The following LUZP2 variants were observed in gnomAD, a reference collection of about 807,000 sequenced individuals.
The protein encoded by LUZP2 is leucine zipper protein 2.
A neutral mutation model predicts 51.6 loss-of-function variants in LUZP2; 52 were observed. That is an observed-to-expected ratio of 1.01 (90% CI 0.81 to 1.27). The LOEUF (loss-of-function observed/expected upper bound fraction) is 1.27, where lower values mean the gene tolerates loss of function less well. LUZP2 is among the 50% of genes most tolerant of loss of function. The pLI is 0.00. For synonymous variants in LUZP2, 154 were observed against 137.3 expected, an observed-to-expected ratio of 1.12 and a Z score of -0.85; for missense variants, 436 against 395.4, an observed-to-expected ratio of 1.10 and a Z score of -0.87.
intron 7 of LUZP2, among the ~76,000 whole-genome samples, chr11:24,915,837 A>G (rs1057094937): frequency 6.6e-6 from 1 of 152,112 alleles, no homozygotes; most frequent in African/African-American, 2.4e-5. Context: ...GCACCAACCT[A>G]ATAGCACAAA....
At chr11:24,939,489 G>GT (rs753553493) in intron 7 of LUZP2, among the ~76,000 whole-genome samples, 8 of 151,730 alleles carry the variant, frequency 5.3e-5, no homozygotes, top group Non-Finnish European at 1.2e-4. Flanking sequence ...AGACTGACTT[G>GT]TATTAGACCT....
intron 1 of LUZP2, among the ~76,000 whole-genome samples, chr11:24,632,535 C>A (rs556774710): frequency 2.0e-5 from 3 of 152,022 alleles, no homozygotes; most frequent in African/African-American, 7.2e-5. Flanking sequence ...TAATGTATGG[C>A]CTTAGGAATC....
chr11:24,590,849 G>C (rs1386238069), intron 1 of LUZP2, among the ~76,000 whole-genome samples: 2 of 151,966 alleles, frequency 1.3e-5, no homozygotes, highest in Non-Finnish European at 2.9e-5. Flanking sequence ...GTGGAGTTTT[G>C]TAGTAACATC....
At chr11:24,850,992 T>C (rs1851377790) in intron 5 of LUZP2, among the ~76,000 whole-genome samples, 1 of 152,234 alleles carries the variant, frequency 6.6e-6, no homozygotes, top group African/African-American at 2.4e-5. Context: ...AAGTTGCTTA[T>C]CAACTTAAGG....
At chr11:25,023,005 G>A (rs930161693) in intron 9 of LUZP2, among the ~76,000 whole-genome samples, 1 of 152,108 alleles carries the variant, frequency 6.6e-6, no homozygotes, top group Non-Finnish European at 1.5e-5. Flanking sequence ...AAGCCCACTT[G>A]ATTATGGTGG....
chr11:24,866,470 G>A (rs991406695), intron 5 of LUZP2, among the ~76,000 whole-genome samples: 1 of 151,822 alleles, frequency 6.6e-6, no homozygotes, highest in African/African-American at 2.4e-5. Flanking sequence ...GTTTCTTTCA[G>A]AAACAAAATG....
intron 10 of LUZP2, among the ~76,000 whole-genome samples, chr11:25,072,097 T>A (rs373716135): frequency 2.0e-5 from 3 of 152,056 alleles, no homozygotes; most frequent in East Asian, 1.9e-4. Flanking sequence ...ATTGCAGAAC[T>A]TCCCCTGATA....
In LUZP2 at chr11:24,877,650, T is replaced by G. The variant is rs556743820; in HGVS notation, c.397-28341T>G. ...GTACAATTAATTTATTATTGATTAT[T>G]GTCACCCTGTTGTGCTATCAAATAC... On this transcript the variant is annotated intron_variant, in intron 5 of 11. Coordinates refer to ENST00000336930, the MANE Select transcript of LUZP2 (RefSeq NM_001009909.4). 2.0e-5 allele frequency among the ~76,000 whole-genome samples: 3 copies of G among 152,220 alleles called. No homozygotes were observed. In the South Asian group the frequency reaches 6.2e-4, roughly 32 times the overall value.
At chr11:24,972,751 C>T (rs1855777296) in intron 7 of LUZP2, among the ~76,000 whole-genome samples, 1 of 152,008 alleles carries the variant, frequency 6.6e-6, no homozygotes, top group Non-Finnish European at 1.5e-5. Context: ...TATGTTGAAC[C>T]AGCCTTGGAT....
intron 5 of LUZP2, among the ~76,000 whole-genome samples, chr11:24,834,988 A>C (rs1850817939): frequency 1.3e-5 from 2 of 151,930 alleles, no homozygotes; most frequent in Non-Finnish European, 2.9e-5. Flanking sequence ...TAGATTCTGG[A>C]TATTAGACCC....
intron 7 of LUZP2, among the ~76,000 whole-genome samples, chr11:24,949,931 T>C (rs2133861813): frequency 6.6e-6 from 1 of 150,794 alleles, no homozygotes; most frequent in East Asian, 2.0e-4. Flanking sequence ...TCTTTGTAAC[T>C]CAAATGCTCC....
intron 9 of LUZP2, among the ~76,000 whole-genome samples, chr11:25,006,099 C>T (rs1856828413): frequency 8.7e-6 from 1 of 114,774 alleles, no homozygotes; most frequent in Non-Finnish European, 2.0e-5. Flanking sequence ...TCCAGATAGT[C>T]CCCCCTATGA....
At chr11:24,705,818 A>G (rs1857561796) in intron 1 of LUZP2, among the ~76,000 whole-genome samples, 1 of 152,142 alleles carries the variant, frequency 6.6e-6, no homozygotes, top group Non-Finnish European at 1.5e-5. Flanking sequence ...ATCACTCATA[A>G]TCTGTGATGC....
chr11:24,619,826 C>T lies in LUZP2; in HGVS notation c.63-109343C>T, dbSNP rs190077042. On this transcript the variant is annotated intron_variant, in intron 1 of 11. Transcript: ENST00000336930. ...ATAATAATAAGAAAAAAAGTCTATA[C>T]GTGTTCAGTACAGATGCAATTTTTT... Among the ~76,000 whole-genome samples the T allele has an allele frequency of 1.8e-4, 27 of 152,140 alleles. No individual in the cohort carries two copies. In the East Asian group the frequency reaches 2.9e-3, roughly 16 times the overall value.
At chr11:25,000,241 C>T (rs548762053) in intron 9 of LUZP2, among the ~76,000 whole-genome samples, 164 of 152,252 alleles carry the variant, frequency 1.1e-3, no homozygotes, top group Non-Finnish European at 2.0e-3. Context: ...GAAAAGTTCT[C>T]CAAGTCCCCA....
intron 10 of LUZP2, among the ~76,000 whole-genome samples, chr11:25,072,148 A>G (rs1438390535): frequency 6.6e-6 from 1 of 152,142 alleles, no homozygotes; most frequent in Non-Finnish European, 1.5e-5. Context: ...GAACATAGAT[A>G]TGCCTGATCT....
chr11:24,682,586 A>ATGTGTG (rs748903860), intron 1 of LUZP2, among the ~76,000 whole-genome samples: 2 of 96,898 alleles, frequency 2.1e-5, no homozygotes, highest in African/African-American at 7.3e-5. Flanking sequence ...ATATATATAT[A>ATGTGTG]TGTGTGTGTG....
At chr11:24,668,942 A>G (rs2133997581) in intron 1 of LUZP2, among the ~76,000 whole-genome samples, 1 of 152,260 alleles carries the variant, frequency 6.6e-6, no homozygotes, top group East Asian at 1.9e-4. Flanking sequence ...ATGTTGCAGA[A>G]AATGTCAAAC....
chr11:24,859,518 GTTGA>G lies in LUZP2; in HGVS notation c.397-46472_397-46469del, dbSNP rs371743392. On this transcript the variant is annotated intron_variant, in intron 5 of 11. Transcript: ENST00000336930. ...TCTTAGTTACATCACTAAAAGCACA[GTTGA>G]CAAAAGAAAAATAGACAAACTGGAG... is the stretch of plus-strand genomic sequence containing the variant. 4.3e-3 allele frequency among the ~76,000 whole-genome samples: 658 copies of G among 152,238 alleles called. 6 individuals are homozygous for G. Among genetic ancestry groups the G allele is most frequent in the African/African-American group, 0.015 (622 of 41,532 alleles).
Sources: gnomAD v4.1 joint callset for allele counts (sites outside exome capture counted in the v4.1 genomes callset) on GRCh38, gnomAD v4.1.1 for gene constraint, MANE v1.5 for transcripts, NCBI Gene and HGNC (gene_info 2026-07-23, HGNC 2026-07-21) for gene names.